SLC24A2: variants seen among roughly 807,000 people sequenced by gnomAD.
SLC24A2 encodes the protein sodium/potassium/calcium exchanger 2.
In SLC24A2, 36 loss-of-function variants were observed where a neutral mutation model predicts 62.0. The ratio of observed to expected loss-of-function variants is 0.58; its 90% CI spans 0.44 to 0.77. SLC24A2 has a LOEUF of 0.77. SLC24A2 is among the 30% of genes least tolerant of loss of function. The probability of loss-of-function intolerance (pLI) is 0.00; values close to 1 mark genes in which losing one functional copy is unlikely to be tolerated. For missense variants in SLC24A2, 846 were observed against 817.9 expected, an observed-to-expected ratio of 1.03 and a Z score of -0.42; for synonymous variants, 358 against 294.0, an observed-to-expected ratio of 1.22 and a Z score of -2.23.
chr9:19,892,158 A>G, the SLC24A2 span, among the ~76,000 whole-genome samples: 1 of 152,012 alleles, frequency 6.6e-6, no homozygotes, highest in African/African-American at 2.4e-5. Context: ...TCCGTTTAGA[A>G]TGTTTTTCCC....
intron 2 of SLC24A2, among the ~76,000 whole-genome samples, chr9:19,631,448 T>C (rs1818176732): frequency 6.6e-6 from 1 of 152,190 alleles, no homozygotes; most frequent in African/African-American, 2.4e-5. Context: ...TGAACTCCTG[T>C]GTTAAAGACA....
intron 2 of SLC24A2, among the ~76,000 whole-genome samples, chr9:19,668,534 G>A (rs1819322675): frequency 6.6e-6 from 1 of 152,162 alleles, no homozygotes; most frequent in South Asian, 2.1e-4. Flanking sequence ...TAGTTCAAAT[G>A]CTGTTGACTG....
intron 5 of SLC24A2, among the ~76,000 whole-genome samples, chr9:19,582,539 A>G (rs1232083044): frequency 6.6e-6 from 1 of 152,194 alleles, no homozygotes; most frequent in African/African-American, 2.4e-5. Context: ...AAAAAATAAC[A>G]CAGGAGGAAA....
the SLC24A2 span, among the ~76,000 whole-genome samples, chr9:20,076,856 CAT>C: frequency 3.3e-5 from 1 of 29,946 alleles, no homozygotes; most frequent in Non-Finnish European, 8.6e-5. Flanking sequence ...ATATACATAT[CAT>C]ATGTATATAT....
chr9:20,010,003 A>C, the SLC24A2 span, among the ~76,000 whole-genome samples: 1 of 152,192 alleles, frequency 6.6e-6, no homozygotes, highest in Non-Finnish European at 1.5e-5. Flanking sequence ...CTGTCTAGCC[A>C]GGGAAGACAA....
At chr9:19,572,700 T>G (rs1835875052) in intron 7 of SLC24A2, among the ~76,000 whole-genome samples, 2 of 152,244 alleles carry the variant, frequency 1.3e-5, no homozygotes, top group South Asian at 2.1e-4. Flanking sequence ...GAAAATGGAC[T>G]AATACCTATG....
At chr9:19,531,922 C>T (rs1490399153) in intron 8 of SLC24A2, among the ~76,000 whole-genome samples, 2 of 152,102 alleles carry the variant, frequency 1.3e-5, no homozygotes, top group African/African-American at 4.8e-5. Context: ...CACATAAGTG[C>T]TCAGATAATT....
intron 2 of SLC24A2, among the ~76,000 whole-genome samples, chr9:19,769,477 TG>T (rs1286960662): frequency 6.6e-6 from 1 of 152,248 alleles, no homozygotes. Flanking sequence ...AGTCAGACTT[TG>T]TCAGTATTTC....
chr9:19,612,632 G>A (rs1006812069), intron 4 of SLC24A2, among the ~76,000 whole-genome samples: 4 of 152,096 alleles, frequency 2.6e-5, no homozygotes, highest in African/African-American at 9.7e-5. Context: ...AACCCATGGG[G>A]GTCTAGTTTC....
intron 10 of SLC24A2, 57 bp from the exon 11 acceptor site, chr9:19,516,459 A>G (rs1832934194): frequency 3.1e-6 from 5 of 1,594,866 alleles, no homozygotes; most frequent in Non-Finnish European, 3.4e-6. Flanking sequence ...GTAGTCAGAC[A>G]CGTTGAAGAA....
At chr9:19,937,283 C>T in the SLC24A2 span, among the ~76,000 whole-genome samples, 2 of 152,190 alleles carry the variant, frequency 1.3e-5, no homozygotes, top group South Asian at 2.1e-4. Flanking sequence ...TTCCAGGGGT[C>T]TTCCTAAAGA....
At chr9:20,021,460 T>C in the SLC24A2 span, among the ~76,000 whole-genome samples, 1 of 151,940 alleles carries the variant, frequency 6.6e-6, no homozygotes, top group Non-Finnish European at 1.5e-5. Flanking sequence ...TTAATAATAA[T>C]CCAAATAGAT....
At chr9:19,956,123 T>G in the SLC24A2 span, among the ~76,000 whole-genome samples, 1 of 152,150 alleles carries the variant, frequency 6.6e-6, no homozygotes, top group Non-Finnish European at 1.5e-5. Flanking sequence ...TCAGCAAAGA[T>G]GAGGATTCCC....
the SLC24A2 span, among the ~76,000 whole-genome samples, chr9:20,227,853 G>A: frequency 1.3e-5 from 2 of 152,060 alleles, no homozygotes; most frequent in African/African-American, 2.4e-5. Context: ...TCAGAGACTG[G>A]GTAGTCTGAA....
chr9:19,636,315 T>TTTTCCTTCC (rs1564009647), intron 2 of SLC24A2, among the ~76,000 whole-genome samples: 1 of 40,328 alleles, frequency 2.5e-5, no homozygotes, highest in Non-Finnish European at 4.7e-5. Flanking sequence ...TTTTCTTTTC[T>TTTTCCTTCC]TTTCTTTCTT....
the SLC24A2 span, among the ~76,000 whole-genome samples, chr9:20,097,869 A>C: frequency 5.3e-5 from 8 of 150,700 alleles, no homozygotes; most frequent in Non-Finnish European, 1.2e-4. Flanking sequence ...CAGACTCCCG[A>C]GTAGCTGGGA....
intron 10 of SLC24A2, among the ~76,000 whole-genome samples, chr9:19,519,276 A>AAGAGAAC (rs1833078705): frequency 1.3e-5 from 2 of 152,162 alleles, no homozygotes; most frequent in African/African-American, 4.8e-5. Flanking sequence ...AAATATATGG[A>AAGAGAAC]AGAGAACATA....
chr9:19,812,545 C>T, the SLC24A2 span, among the ~76,000 whole-genome samples: 10 of 152,172 alleles, frequency 6.6e-5, no homozygotes, highest in African/African-American at 2.4e-4. Flanking sequence ...TTATATAATA[C>T]ATTTCTTTAT....
intron 2 of SLC24A2, among the ~76,000 whole-genome samples, chr9:19,758,374 T>C (rs1822209433): frequency 6.6e-6 from 1 of 152,156 alleles, no homozygotes. Context: ...CATCACTCTT[T>C]GTTTGTCCAC....
Sources: gnomAD v4.1 joint callset for allele counts (sites outside exome capture counted in the v4.1 genomes callset) on GRCh38, gnomAD v4.1.1 for gene constraint, MANE v1.5 for transcripts, NCBI Gene and HGNC (gene_info 2026-07-23, HGNC 2026-07-21) for gene names.